Variants in C12orf42 observed in about 807,000 individuals in gnomAD.
C12orf42 encodes the protein chromosome 12 open reading frame 42.
Under a neutral mutation model 21.6 loss-of-function variants are expected in C12orf42, and 25 were observed. The ratio of observed to expected loss-of-function variants is 1.16; its 90% CI spans 0.84 to 1.62. The LOEUF (loss-of-function observed/expected upper bound fraction) is 1.62, where lower values mean the gene tolerates loss of function less well. Among genes scored for constraint, C12orf42 ranks in the 40% most tolerant of loss-of-function variants. The probability of loss-of-function intolerance (pLI) is 0.00; values close to 1 mark genes in which losing one functional copy is unlikely to be tolerated. For synonymous variants in C12orf42, 174 were observed against 175.0 expected (o/e 0.99, Z 0.05); for missense variants, 483 against 459.3 (o/e 1.05, Z -0.47).
At chr12:103,511,743 G>T in the C12orf42 span, among the ~76,000 whole-genome samples, 1 of 152,076 alleles carries the variant, frequency 6.6e-6, no homozygotes, top group Non-Finnish European at 1.5e-5. Context: ...GCACATCCCT[G>T]ATACAATAGT....
At chr12:103,193,268 C>G in the C12orf42 span, among the ~76,000 whole-genome samples, 1 of 150,762 alleles carries the variant, frequency 6.6e-6, no homozygotes, top group South Asian at 2.1e-4. Flanking sequence ...GTGATAAGCA[C>G]CTATATTTAA....
At chr12:103,490,169 T>A (rs1432686328) in intron 1 of C12orf42, among the ~76,000 whole-genome samples, 2 of 152,222 alleles carry the variant, frequency 1.3e-5, no homozygotes, top group African/African-American at 2.4e-5. Flanking sequence ...GCTCCCCACT[T>A]TATTTCTAAC....
chr12:103,233,289 T>G (rs1322556666), downstream of C12orf42, among the ~76,000 whole-genome samples: 1 of 152,220 alleles, frequency 6.6e-6, no homozygotes, highest in Non-Finnish European at 1.5e-5. Context: ...TCTTTCAGTA[T>G]CATGCGGGCT....
At chr12:103,275,420 A>T (rs2136281934) in intron 5 of C12orf42, among the ~76,000 whole-genome samples, 1 of 152,218 alleles carries the variant, frequency 6.6e-6, no homozygotes, top group East Asian at 1.9e-4. Flanking sequence ...AAATGCACAA[A>T]CCTATGAAAT....
downstream of C12orf42, chr12:103,301,925 T>C (rs889103290): frequency 1.5e-6 from 1 of 685,434 alleles, no homozygotes; most frequent in Non-Finnish European, 2.4e-6. Context: ...TTAGAGATGC[T>C]TCAAAAGGAA....
At chr12:103,143,177 A>G in the C12orf42 span, among the ~76,000 whole-genome samples, 1 of 152,222 alleles carries the variant, frequency 6.6e-6, no homozygotes, top group Non-Finnish European at 1.5e-5. Flanking sequence ...AAGCAAGTGC[A>G]GAATAGTAGA....
At chr12:103,309,999 T>G (rs2038808711) in intron 4 of C12orf42, among the ~76,000 whole-genome samples, 1 of 152,244 alleles carries the variant, frequency 6.6e-6, no homozygotes, top group African/African-American at 2.4e-5. Context: ...TCCTATCTTT[T>G]ATTGCCATGA....
At chr12:103,228,275 G>C in the C12orf42 span, among the ~76,000 whole-genome samples, 7 of 152,074 alleles carry the variant, frequency 4.6e-5, no homozygotes, top group Non-Finnish European at 7.4e-5. Context: ...ACAGTCAAAG[G>C]GGGTTTGTTC....
chr12:103,306,450 G>T, intron 4 of C12orf42, 105 bp from the exon 5 acceptor site: 2 of 1,349,326 alleles, frequency 1.5e-6, no homozygotes, highest in African/African-American at 1.5e-5. Context: ...TGGTTGTTTT[G>T]TGTTTCTACT....
the C12orf42 span, among the ~76,000 whole-genome samples, chr12:103,115,305 T>C: frequency 6.6e-6 from 1 of 152,186 alleles, no homozygotes; most frequent in Admixed American, 6.5e-5. Context: ...TGTGTTCCAG[T>C]TGAAGTTTTA....
chr12:103,456,905 T>C (rs181591308), intron 2 of C12orf42, among the ~76,000 whole-genome samples: 9 of 152,276 alleles, frequency 5.9e-5, no homozygotes, highest in African/African-American at 2.2e-4. Flanking sequence ...GTTCTTTATG[T>C]TTTCTTTGTC....
chr12:103,267,062 A>C (rs1306634673), downstream of C12orf42, among the ~76,000 whole-genome samples: 1 of 152,152 alleles, frequency 6.6e-6, no homozygotes, highest in Non-Finnish European at 1.5e-5. Flanking sequence ...ACCTATTTTC[A>C]CCGTCTCTTG....
At chr12:103,272,813 A>T (rs1201638088) in intron 5 of C12orf42, among the ~76,000 whole-genome samples, 1 of 152,224 alleles carries the variant, frequency 6.6e-6, no homozygotes, top group Non-Finnish European at 1.5e-5. Flanking sequence ...TCTGCAGGAC[A>T]TGCAGCTAGT....
At chr12:103,112,189 C>G in the C12orf42 span, among the ~76,000 whole-genome samples, 1 of 152,116 alleles carries the variant, frequency 6.6e-6, no homozygotes, top group Non-Finnish European at 1.5e-5. Context: ...GGAGGCCTGG[C>G]CAGGATGAGG....
intron 4 of C12orf42, among the ~76,000 whole-genome samples, chr12:103,356,282 C>A (rs1466671407): frequency 1.3e-5 from 2 of 152,100 alleles, no homozygotes; most frequent in African/African-American, 4.8e-5. Context: ...GATCTTAATT[C>A]TAAGTCACAA....
At chr12:103,368,366 C>T (rs1379329614) in intron 4 of C12orf42, among the ~76,000 whole-genome samples, 2 of 150,846 alleles carry the variant, frequency 1.3e-5, no homozygotes, top group Admixed American at 6.6e-5. Context: ...AATTTAAGTG[C>T]AGCTGTCAAT....
At chr12:103,098,813 T>C in the C12orf42 span, among the ~76,000 whole-genome samples, 1 of 152,230 alleles carries the variant, frequency 6.6e-6, no homozygotes, top group Non-Finnish European at 1.5e-5. Flanking sequence ...CCACCTATAA[T>C]AATGCCTACA....
At chr12:103,343,204 C>T (rs2042308231) in intron 4 of C12orf42, among the ~76,000 whole-genome samples, 1 of 152,204 alleles carries the variant, frequency 6.6e-6, no homozygotes, top group South Asian at 2.1e-4. Flanking sequence ...GGAGACATTT[C>T]ATATCTTCCT....
At chr12:103,385,271 T>C (rs1210512423) in intron 3 of C12orf42, among the ~76,000 whole-genome samples, 3 of 152,244 alleles carry the variant, frequency 2.0e-5, no homozygotes, top group Admixed American at 2.0e-4. Context: ...AGTCACTTCA[T>C]GTTTTTAGCA....
Sources: gnomAD v4.1 joint callset for allele counts (sites outside exome capture counted in the v4.1 genomes callset) on GRCh38, gnomAD v4.1.1 for gene constraint, MANE v1.5 for transcripts, NCBI Gene and HGNC (gene_info 2026-07-23, HGNC 2026-07-21) for gene names.